Variants in ZNF518A observed in about 807,000 individuals in gnomAD.
ZNF518A encodes zinc finger protein 518A.
ZNF518A carries 47 observed loss-of-function variants against 102.7 expected under a neutral mutation model. The ratio of observed to expected loss-of-function variants is 0.46; its 90% confidence interval spans 0.36 to 0.58. The LOEUF is 0.58. Among genes scored for constraint, ZNF518A ranks in the 20% least tolerant of loss-of-function variants. ZNF518A has a pLI of 0.00. For synonymous variants in ZNF518A, 652 were observed against 594.6 expected (o/e 1.10, Z -1.40); for missense variants, 1,793 against 1,699.8 (o/e 1.05, Z -0.96).
intron 3 of ZNF518A, among the ~76,000 whole-genome samples, chr10:96,142,584 GT>G (rs35436710): frequency 0.31 from 46,453 of 151,118 alleles, 8,215 homozygotes; most frequent in East Asian, 0.66. Context: ...AGAGTTTTTA[GT>G]TTTTTTTTGG....
intron 1 of ZNF518A, among the ~76,000 whole-genome samples, chr10:96,198,129 C>A (rs2861304): frequency 0.82 from 123,968 of 151,900 alleles, 52,255 homozygotes; most frequent in Non-Finnish European, 0.93. Context: ...CAACAAAGAA[C>A]AAATTATAAG....
intron 1 of ZNF518A, among the ~76,000 whole-genome samples, chr10:96,202,619 G>A (rs1382323753): frequency 6.6e-6 from 1 of 152,118 alleles, no homozygotes; most frequent in Non-Finnish European, 1.5e-5. Flanking sequence ...AGAGGAGGGG[G>A]CAGTGAGGGC....
chr10:96,170,174 C>G (rs1365090394), intron 1 of ZNF518A, among the ~76,000 whole-genome samples: 1 of 152,218 alleles, frequency 6.6e-6, no homozygotes, highest in Non-Finnish European at 1.5e-5. Context: ...TAAAGCTTTA[C>G]AAAGTCCCTA....
chr10:96,138,239 T>G (rs2081718545), intron 3 of ZNF518A, among the ~76,000 whole-genome samples: 1 of 152,226 alleles, frequency 6.6e-6, no homozygotes, highest in South Asian at 2.1e-4. Flanking sequence ...TCATGGTAAT[T>G]CTCTGCCCAC....
intron 1 of ZNF518A, among the ~76,000 whole-genome samples, chr10:96,186,425 GTC>G (rs1370582896): frequency 1.3e-5 from 2 of 151,656 alleles, no homozygotes; most frequent in African/African-American, 4.8e-5. Flanking sequence ...TTTTGACGGA[GTC>G]TCTCTCTGTC....
Position 96,200,905 on chromosome 10 carries a change from GTCT to G in ZNF518A, n.36-2662_36-2660del, listed in dbSNP as rs2083614734. On this transcript the variant is annotated intron_variant and non_coding_transcript_variant, in intron 1 of 2. Coordinates refer to the ZNF518A transcript ENST00000442635. This position sits in a 1 kb window ranked among gnomAD's most constrained non-coding sequence, Gnocchi z 4.3. ...TCTGTTCTCAAGGTTCACTCCAAAT[GTCT>G]TCTTCTCAGAAGACATGCTCTTTCC... The G allele has an allele frequency of 7.7e-7, 1 of 1,305,592 alleles. No homozygotes were observed. The highest frequency in any genetic ancestry group is 1.7e-5 in the Admixed American group (1 of 59,548). 80.9% of individuals were successfully genotyped at this position (1,305,592 alleles called of 1,614,324 possible).
intron 1 of ZNF518A, among the ~76,000 whole-genome samples, chr10:96,184,896 T>C (rs1445185653): frequency 1.3e-5 from 2 of 152,232 alleles, no homozygotes; most frequent in African/African-American, 4.8e-5. Flanking sequence ...CTGAAGAGTG[T>C]CTTCCAGCTA....
chr10:96,138,522 C>T (rs985594216), intron 3 of ZNF518A, among the ~76,000 whole-genome samples: 5 of 152,170 alleles, frequency 3.3e-5, no homozygotes, highest in Admixed American at 1.3e-4. Flanking sequence ...CTTTTCAAGT[C>T]GAGGGCTCCC....
At chr10:96,199,711 C>T (rs1462123586) in intron 1 of ZNF518A, among the ~76,000 whole-genome samples, 3 of 152,136 alleles carry the variant, frequency 2.0e-5, no homozygotes, top group Admixed American at 2.0e-4. Flanking sequence ...GAGGGCAAAA[C>T]GTGTGATTTA....
intron 1 of ZNF518A, among the ~76,000 whole-genome samples, chr10:96,172,994 C>T (rs1347133645): frequency 3.3e-5 from 5 of 152,228 alleles, no homozygotes; most frequent in African/African-American, 1.2e-4. Context: ...ATGATTGTGT[C>T]TGAGCATGTA....
chr10:96,159,228 C>T lies in ZNF518A; in HGVS notation c.2906C>T (p.Ser969Phe), dbSNP rs1554885712. 4 of 1,613,744 alleles carry T rather than the reference C, an allele frequency of 2.5e-6. No homozygotes were observed. Among genetic ancestry groups the T allele is most frequent in the South Asian group, 2.2e-5 (2 of 91,062 alleles). The change falls in exon 6 of 6, where the codon TCT (serine) becomes TTT (phenylalanine). Residue 969 changes from serine (S) to phenylalanine (F), a missense_variant. Coordinates refer to ENST00000316045, the MANE Select transcript of ZNF518A (RefSeq NM_001330736.2). ...GTTAATTCACAAGGTATCCCTGCTTCTCTTTTTGTAAACAAGAAACCTGGG... is the reference window on the plus strand; with the variant it reads ...GTTAATTCACAAGGTATCCCTGCTTTTCTTTTTGTAAACAAGAAACCTGGG... ...PLVNSQGIPA[S>F]LFVNKKPGMV...
intron 1 of ZNF518A, among the ~76,000 whole-genome samples, chr10:96,195,844 A>G (rs1159812788): frequency 2.0e-5 from 3 of 152,264 alleles, no homozygotes; most frequent in Non-Finnish European, 2.9e-5. Context: ...AAGAATACAC[A>G]TGACTTTTTC....
downstream of ZNF518A, chr10:96,205,223 A>C (rs2305844): frequency 0.033 from 5,102 of 156,532 alleles, 257 homozygotes; most frequent in East Asian, 0.21. Flanking sequence ...AGTGTAAGAA[A>C]TTTATGTTGA....
chr10:96,160,823 A>G lies in ZNF518A; in HGVS notation c.*49A>G, dbSNP rs1394537655. On this transcript the variant is annotated 3_prime_UTR_variant, in exon 6 of 6. Coordinates refer to ENST00000316045, the MANE Select transcript of ZNF518A (RefSeq NM_001330736.2). ...GAAAAGTAAAATTACCTTAGAAGAA[A>G]ACAACGGGTTCAGTTACCATAATGC... 1.3e-5 allele frequency: 19 copies of G among 1,462,102 alleles called. No individual in the cohort carries two copies. The Admixed American group carries it at 5.0e-4, about 38-fold the overall frequency. The allele number at this position is 1,462,102 out of a possible 1,614,324, so 90.6% of individuals were successfully genotyped here. A position where few individuals can be genotyped will look rare whatever the true frequency, so the allele number is the denominator to read the frequency against.
rs782223049 is a variant in ZNF518A, at chr10:96,159,085, T to G, written c.2763T>G (p.Leu921=). Residue 921 remains leucine, a synonymous_variant, in exon 6 of 6, where the codon CTT becomes CTG. Coordinates refer to ENST00000316045, the MANE Select transcript of ZNF518A (RefSeq NM_001330736.2). ...GTTCTTTTTATATGCAGAGTCCACT[T>G]TTAAATTCAGAACAAAAAAAAACTA... The part of the protein sequence containing the change: ...NLGSFYMQSP[L]LNSEQKKTII... The G allele has an allele frequency of 6.2e-7, 1 of 1,612,276 alleles. No individual in the cohort carries two copies. The highest frequency in any genetic ancestry group is 1.3e-5 in the African/African-American group (1 of 74,716).
downstream of ZNF518A, chr10:96,204,457 G>A (rs1310391908): frequency 7.0e-7 from 1 of 1,434,426 alleles, no homozygotes; most frequent in Non-Finnish European, 9.8e-7. Flanking sequence ...CAGTGTCACT[G>A]TGCAGTGAAA....
chr10:96,196,787 G>A (rs1416442275), intron 1 of ZNF518A: 26 of 944,688 alleles, frequency 2.8e-5, no homozygotes, highest in Non-Finnish European at 3.9e-5. Context: ...TGACATTTAT[G>A]CAAGCATTAG....
At chr10:96,148,485 C>A (rs2082273805) in intron 3 of ZNF518A, among the ~76,000 whole-genome samples, 1 of 152,140 alleles carries the variant, frequency 6.6e-6, no homozygotes, top group Non-Finnish European at 1.5e-5. Flanking sequence ...CAGTTTCTAA[C>A]AAATTACTTT....
Position 96,200,477 on chromosome 10 carries a change from T to C in ZNF518A, n.36-3097T>C, listed in dbSNP as rs922869581. Among the ~76,000 whole-genome samples the C allele has an allele frequency of 5.3e-5, 8 of 152,368 alleles. No homozygotes were observed. Among genetic ancestry groups the C allele is most frequent in the African/African-American group, 1.9e-4 (8 of 41,588 alleles). ...AGTGCTTTACAATTTCCAAAGCATT[T>C]TTACAAATATTATTTTATTTGATTC... On this transcript the variant is annotated intron_variant and non_coding_transcript_variant, in intron 1 of 2. Transcript: ENST00000442635. The surrounding 1 kb of genome is among the most constrained non-coding windows in gnomAD (Gnocchi z 4.3).
Sources: allele counts gnomAD v4.1 joint callset (sites outside exome capture counted in the v4.1 genomes callset), GRCh38; gene constraint gnomAD v4.1.1; non-coding constraint Gnocchi (gnomAD v3.1); transcripts MANE v1.5; gene names NCBI Gene and HGNC (gene_info 2026-07-23, HGNC 2026-07-21).